XPO6: variants seen among roughly 807,000 people sequenced by gnomAD.
XPO6 encodes exportin-6.
A neutral mutation model predicts 130.0 loss-of-function variants in XPO6; 3 were observed. That is an observed-to-expected ratio of 0.02 (90% CI 0.01 to 0.06). The LOEUF is 0.06. Ranked by LOEUF, XPO6 falls within the 10% of genes least tolerant of loss-of-function variation. The probability of loss-of-function intolerance (pLI) is 1.00; values close to 1 mark genes in which losing one functional copy is unlikely to be tolerated. For missense variants in XPO6, 970 were observed against 1,393.0 expected (o/e 0.70, Z 4.83); for synonymous variants, 524 against 548.9 (o/e 0.95, Z 0.63).
At chr16:28,137,455 C>T (rs924267534) in intron 9 of XPO6, among the ~76,000 whole-genome samples, 2 of 152,284 alleles carry the variant, frequency 1.3e-5, no homozygotes, top group Middle Eastern at 3.4e-3. Flanking sequence ...GACTCTAATA[C>T]ACCACCCAAT....
chr16:28,104,837 G>T, intron 20 of XPO6, 130 bp from the exon 21 acceptor site: 1 of 1,010,126 alleles, frequency 9.9e-7, no homozygotes, highest in Non-Finnish European at 1.4e-6. Flanking sequence ...CCACATGCCT[G>T]TCACTACCTG....
At chr16:28,193,346 G>A (rs1373915054) in intron 1 of XPO6, among the ~76,000 whole-genome samples, 2 of 152,046 alleles carry the variant, frequency 1.3e-5, no homozygotes, top group African/African-American at 4.8e-5. Flanking sequence ...ATCTGTGTCG[G>A]GAGGAAGTGA....
At chr16:28,147,910 C>T (rs569642490) in intron 8 of XPO6, among the ~76,000 whole-genome samples, 61 of 152,294 alleles carry the variant, frequency 4.0e-4, no homozygotes, top group African/African-American at 1.5e-3. Context: ...CGTGCCACTG[C>T]ACTCCAGCCT....
chr16:28,109,201 G>A (rs2086856195), intron 17 of XPO6, among the ~76,000 whole-genome samples: 1 of 151,566 alleles, frequency 6.6e-6, no homozygotes, highest in Non-Finnish European at 1.5e-5. Context: ...GTCAAAAATT[G>A]AAAGCACTAT....
chr16:28,210,334 AT>A (rs1368975656), intron 1 of XPO6, among the ~76,000 whole-genome samples: 3 of 152,138 alleles, frequency 2.0e-5, no homozygotes, highest in Non-Finnish European at 4.4e-5. Flanking sequence ...CCCTTTCTCT[AT>A]TATACCACTA....
chr16:28,184,315 A>G (rs1288671673), intron 1 of XPO6, among the ~76,000 whole-genome samples: 1 of 152,198 alleles, frequency 6.6e-6, no homozygotes, highest in Non-Finnish European at 1.5e-5. Flanking sequence ...GATCTTGACA[A>G]ACTAAGGAAA....
In XPO6 at chr16:28,211,420, C is replaced by T. The variant is rs780561394; in HGVS notation, c.-52G>A. The T allele has an allele frequency of 7.6e-7, 1 of 1,310,876 alleles. No homozygotes were observed. The highest frequency in any genetic ancestry group is 9.8e-7 in the Non-Finnish European group (1 of 1,021,100). The allele number at this position is 1,310,876 out of a possible 1,614,324, so 81.2% of individuals were successfully genotyped here. A position where few individuals can be genotyped will look rare whatever the true frequency, so the allele number is the denominator to read the frequency against. Reference sequence around the variant, plus strand: ...TGAGCTGGTTCTTGGGCTTCGGACACGTCCCGCTCGCACAGTTCAGGTCAT... The same window carrying T: ...TGAGCTGGTTCTTGGGCTTCGGACATGTCCCGCTCGCACAGTTCAGGTCAT... On this transcript the variant is annotated 5_prime_UTR_variant, in exon 1 of 24. It adds an upstream start codon to the 5' untranslated region. Transcript: ENST00000304658.
rs118099347 is a variant in XPO6 at position 28,120,110 on chromosome 16, G to C, written c.1859+1560C>G. 2.5e-3 allele frequency among the ~76,000 whole-genome samples: 385 copies of C among 152,302 alleles called. 1 individual carries two copies. The highest frequency in any genetic ancestry group is 4.6e-3 in the Non-Finnish European group (310 of 68,024). On this transcript the variant is annotated intron_variant, in intron 14 of 23. Transcript: ENST00000304658. ...TCCGCCTGCCTCGGCCTCCCAAAAT[G>C]CTGGGATTACAGGTATGAATCATCA...
intron 14 of XPO6, among the ~76,000 whole-genome samples, chr16:28,120,967 T>A (rs2087220329): frequency 6.6e-6 from 1 of 152,392 alleles, no homozygotes; most frequent in Non-Finnish European, 1.5e-5. Flanking sequence ...GTAAGCCAGA[T>A]TTGGCAAAGG....
chr16:28,098,796 A>T (rs2086589111), intron 23 of XPO6, among the ~76,000 whole-genome samples, 157 bp from the exon 24 acceptor site: 1 of 151,842 alleles, frequency 6.6e-6, no homozygotes, highest in Non-Finnish European at 1.5e-5. Flanking sequence ...TGTCACAGAG[A>T]CTCTGTGCCA....
intron 16 of XPO6, 61 bp from the exon 17 acceptor site, chr16:28,112,067 C>T: frequency 3.3e-6 from 5 of 1,528,428 alleles, no homozygotes; most frequent in Non-Finnish European, 2.7e-6. Context: ...GTGCGGCATG[C>T]CCAACACAGC....
At chr16:28,157,826 C>T (rs959910209) in intron 6 of XPO6, among the ~76,000 whole-genome samples, 1 of 152,196 alleles carries the variant, frequency 6.6e-6, no homozygotes, top group African/African-American at 2.4e-5. Context: ...GAAGAAGGGC[C>T]ATTCTGAGGA....
At chr16:28,098,674 C>A in intron 23 of XPO6, 35 bp from the exon 24 acceptor site, 1 of 1,525,560 alleles carries the variant, frequency 6.6e-7, no homozygotes. Flanking sequence ...GCCAACAACA[C>A]ACCAGGTCAC....
chr16:28,123,748 T>G (rs1408002553), intron 13 of XPO6, among the ~76,000 whole-genome samples: 2 of 152,164 alleles, frequency 1.3e-5, no homozygotes, highest in Non-Finnish European at 2.9e-5. Flanking sequence ...GTTTAAATCC[T>G]GTTCTACACT....
In XPO6 at chr16:28,101,976, G is replaced by C. The variant is rs1272173753; in HGVS notation, c.2947-31C>G. 1.9e-6 allele frequency: 3 copies of C among 1,572,738 alleles called. No individual in the cohort carries two copies. In the Admixed American group the frequency reaches 5.1e-5, roughly 27 times the overall value. Reference sequence around the variant, plus strand: ...AAATGAGACCACCATTTTATAAACTGCAAGACCAAGCACTTCTGGAGCATC... The same window carrying C: ...AAATGAGACCACCATTTTATAAACTCCAAGACCAAGCACTTCTGGAGCATC... On this transcript the variant is annotated intron_variant, in intron 21 of 23. Transcript: ENST00000304658. This position sits in a 1 kb window ranked among gnomAD's most constrained non-coding sequence, Gnocchi z 5.4.
At position 28,101,121 on chromosome 16, in the gene XPO6, C is replaced by T. The variant is rs371379103; in HGVS notation, c.3276+337G>A. The T allele has an allele frequency of 5.0e-6, 2 of 399,608 alleles. No individual in the cohort carries two copies. The highest frequency in any genetic ancestry group is 4.2e-5 in the South Asian group (2 of 47,738). 24.8% of individuals were successfully genotyped at this position (399,608 alleles called of 1,614,324 possible). A position where few individuals can be genotyped will look rare whatever the true frequency, so the allele number is the denominator to read the frequency against. On this transcript the variant is annotated intron_variant, in intron 23 of 23. Transcript: ENST00000304658. The surrounding 1 kb of genome is among the most constrained non-coding windows in gnomAD (Gnocchi z 5.4). ...AGCCTGGGCACACTCCAATGCTGGCCCCACCGGGGCTCATCACCCAGGAGG... is the reference window on the plus strand; with the variant it reads ...AGCCTGGGCACACTCCAATGCTGGCTCCACCGGGGCTCATCACCCAGGAGG...
intron 1 of XPO6, among the ~76,000 whole-genome samples, chr16:28,199,365 C>T (rs1009400843): frequency 1.3e-5 from 2 of 152,146 alleles, no homozygotes; most frequent in African/African-American, 4.8e-5. Flanking sequence ...ACCTCCACCT[C>T]CCGGGTTCAA....
intron 1 of XPO6, among the ~76,000 whole-genome samples, chr16:28,181,855 G>A (rs2141873402): frequency 6.6e-6 from 1 of 152,220 alleles, no homozygotes; most frequent in East Asian, 1.9e-4. Context: ...CAGCAGAACT[G>A]CTCAGGTTGG....
rs1484322106 is a variant in XPO6, at chr16:28,183,614, G to A, written c.4-2583C>T. On this transcript the variant is annotated intron_variant, in intron 1 of 23. Transcript: ENST00000304658. ...CAATACCTGCCTCACAGGGTGATAT[G>A]AGATCCAATCAGGCGATCCATGTAA... 2.6e-5 allele frequency among the ~76,000 whole-genome samples: 4 copies of A among 152,180 alleles called. No individual in the cohort carries two copies. In the East Asian group the frequency reaches 7.7e-4, roughly 29 times the overall value.
Sources: gnomAD v4.1 joint callset for allele counts (sites outside exome capture counted in the v4.1 genomes callset) on GRCh38, gnomAD v4.1.1 for gene constraint, Gnocchi (gnomAD v3.1) non-coding constraint, MANE v1.5 for transcripts, NCBI Gene and HGNC (gene_info 2026-07-23, HGNC 2026-07-21) for gene names.